Variants in CFAP57 observed in about 807,000 individuals in gnomAD.
CFAP57 encodes cilia- and flagella-associated protein 57.
In CFAP57, 116 loss-of-function variants were observed where a neutral mutation model predicts 146.8. The ratio of observed to expected loss-of-function variants is 0.79; its 90% CI spans 0.68 to 0.92. CFAP57 has a LOEUF of 0.92. CFAP57 is among the 40% of genes least tolerant of loss of function. The pLI is 0.00. For missense variants in CFAP57, 1,377 were observed against 1,527.2 expected (o/e 0.90, Z 1.64); for synonymous variants, 518 against 552.8 (o/e 0.94, Z 0.88).
intron 22 of CFAP57, among the ~76,000 whole-genome samples, chr1:43,249,750 AT>A (rs1646269890): frequency 6.6e-6 from 1 of 151,616 alleles, no homozygotes; most frequent in Non-Finnish European, 1.5e-5. Context: ...TGGCCCAACC[AT>A]TTTCTTAATA....
At chr1:43,228,556 G>A (rs1366089099) in intron 18 of CFAP57, among the ~76,000 whole-genome samples, 4 of 148,170 alleles carry the variant, frequency 2.7e-5, no homozygotes. Flanking sequence ...TAAAGAGCCA[G>A]GTGGAGATCA....
At chr1:43,223,564 G>A (rs1427762132) in intron 16 of CFAP57, among the ~76,000 whole-genome samples, 3 of 152,220 alleles carry the variant, frequency 2.0e-5, no homozygotes, top group Non-Finnish European at 4.4e-5. Context: ...CCCTGGAAAA[G>A]CTAAGTTCAA....
At position 43,215,214 on chromosome 1, in the gene CFAP57, G is replaced by A. The variant is rs1449307499; in HGVS notation, c.1930-41G>A. ...AGCTGGCTCAGCCCTGGTCATCTGT[G>A]GCCTTGAAAGCTTCCTGGCCATGAC... On this transcript the variant is annotated intron_variant, in intron 11 of 22. Coordinates refer to ENST00000372492, the MANE Select transcript of CFAP57 (RefSeq NM_001378189.1). 4 of 1,550,196 alleles carry A rather than the reference G, an allele frequency of 2.6e-6. No individual in the cohort carries two copies. In the South Asian group the frequency reaches 4.8e-5, roughly 18 times the overall value.
At position 43,229,640 on chromosome 1, in the gene CFAP57, C is replaced by A. The variant is rs576863033; in HGVS notation, c.3009+2514C>A. Among the ~76,000 whole-genome samples the A allele has an allele frequency of 1.9e-4, 28 of 148,914 alleles. 1 individual carries two copies. The highest frequency in any genetic ancestry group is 3.3e-4 in the Non-Finnish European group (22 of 67,558). On this transcript the variant is annotated intron_variant, in intron 18 of 22. Transcript: ENST00000372492. ...AACTTGGCTCTGATGATCCAAGGGT[C>A]CCTTTGCCCTGCCTAGGGGAGAGGT...
rs1442211701 is a variant in CFAP57 at position 43,238,218 on chromosome 1, T to C, written c.3405+3580T>C. 1.3e-5 allele frequency among the ~76,000 whole-genome samples: 2 copies of C among 152,100 alleles called. No individual in the cohort carries two copies. Among genetic ancestry groups the C allele is most frequent in the African/African-American group, 2.4e-5 (1 of 41,412 alleles). ...TCCATGGAATAAATCTGTTGCCTGC[T>C]TTTTCCAGGCTGTGAGGTACTGCCA... On this transcript the variant is annotated intron_variant, in intron 21 of 22. Coordinates refer to ENST00000372492, the MANE Select transcript of CFAP57 (RefSeq NM_001378189.1). The surrounding 1 kb of genome is among the most constrained non-coding windows in gnomAD (Gnocchi z 4.3).
chr1:43,248,585 G>T, intron 22 of CFAP57, among the ~76,000 whole-genome samples: 1 of 151,836 alleles, frequency 6.6e-6, no homozygotes, highest in South Asian at 2.1e-4. Flanking sequence ...CTCCCAAAGT[G>T]CTGGGATTAC....
chr1:43,183,715 A>G lies in CFAP57; in HGVS notation c.599A>G (p.Tyr200Cys). The stretch of plus-strand genomic sequence containing the variant: ...TTTCAGAGGGGAGAACCCCAAAACT[A>G]TCTAGCTCACACCTGGGTGGCTGAT... ...TSFQRGEPQN[Y>C]LAHTWVADDK... The change falls in exon 4 of 23, where the codon TAT becomes TGT. Residue 200 changes from tyrosine to cysteine, a missense_variant. By Grantham distance (194) the Tyr-to-Cys change is radical. Coordinates refer to ENST00000372492, the MANE Select transcript of CFAP57 (RefSeq NM_001378189.1). 6.2e-7 allele frequency: 1 copy of G among 1,614,198 alleles called. No homozygotes were observed. The highest frequency in any genetic ancestry group is 1.1e-5 in the South Asian group (1 of 91,082).
intron 13 of CFAP57, among the ~76,000 whole-genome samples, chr1:43,220,746 A>G (rs908410865): frequency 2.0e-5 from 3 of 152,058 alleles, no homozygotes; most frequent in African/African-American, 7.2e-5. Flanking sequence ...GAAATCCCCA[A>G]TTATGTCCTT....
intron 9 of CFAP57, 112 bp downstream of exon 9, chr1:43,199,615 C>A: frequency 1.1e-6 from 1 of 936,820 alleles, no homozygotes; most frequent in Non-Finnish European, 1.7e-6. Context: ...CATGGGTTCA[C>A]TGTCTACTTG....
At chr1:43,184,993 C>T (rs753725751) in intron 4 of CFAP57, 156 bp from the exon 5 acceptor site, 82 of 779,894 alleles carry the variant, frequency 1.1e-4, no homozygotes, top group South Asian at 5.4e-4. Context: ...AGTTTGTGTA[C>T]GGTTCCCAAG....
At chr1:43,182,969 C>T (rs1645477745) in intron 3 of CFAP57, among the ~76,000 whole-genome samples, 1 of 152,200 alleles carries the variant, frequency 6.6e-6, no homozygotes, top group African/African-American at 2.4e-5. Context: ...CCAAGTAATA[C>T]GCTTTCATGA....
At chr1:43,183,417 A>G (rs1645499542) in intron 3 of CFAP57, among the ~76,000 whole-genome samples, 174 bp from the exon 4 acceptor site, 1 of 152,240 alleles carries the variant, frequency 6.6e-6, no homozygotes, top group South Asian at 2.1e-4. Flanking sequence ...CCCTATAAAT[A>G]TAATGGATTA....
intron 21 of CFAP57, among the ~76,000 whole-genome samples, chr1:43,239,878 G>C (rs986369645): frequency 6.6e-6 from 1 of 152,090 alleles, no homozygotes; most frequent in Non-Finnish European, 1.5e-5. Context: ...TTCCTTATTA[G>C]TAAGAATCTC....
intron 11 of CFAP57, among the ~76,000 whole-genome samples, chr1:43,213,356 A>T (rs1345364908): frequency 6.6e-6 from 1 of 152,228 alleles, no homozygotes; most frequent in African/African-American, 2.4e-5. Flanking sequence ...AGTTCCATCC[A>T]TGTTGCTGCA....
chr1:43,183,765 A>G lies in CFAP57; in HGVS notation c.649A>G (p.Thr217Ala), dbSNP rs143847160. Reference protein sequence around the residue: ...ADDKIVVGTDTGKLFLFESGD... With the variant: ...ADDKIVVGTDAGKLFLFESGD... ...TGACAAGATTGTCGTTGGCACTGAC[A>G]CAGGCAAACTCTTCCTCTTTGAATC... Residue 217 changes from threonine (T) to alanine (A), a missense_variant, in exon 4 of 23, where the codon ACA becomes GCA. Transcript: ENST00000372492. The G allele has an allele frequency of 1.2e-6, 2 of 1,614,224 alleles. No individual in the cohort carries two copies. Among genetic ancestry groups the G allele is most frequent in the Non-Finnish European group, 8.5e-7 (1 of 1,180,036 alleles).
chr1:43,251,888 T>C (rs957052715), intron 22 of CFAP57, among the ~76,000 whole-genome samples: 1 of 152,206 alleles, frequency 6.6e-6, no homozygotes, highest in African/African-American at 2.4e-5. Context: ...GTAAGTACAT[T>C]AATCAAAGCA....
intron 18 of CFAP57, among the ~76,000 whole-genome samples, chr1:43,227,861 A>G (rs594389): frequency 0.74 from 112,150 of 152,140 alleles, 41,712 homozygotes; most frequent in East Asian, 0.87. Context: ...TTAGTGGTCT[A>G]TGATCCACCC....
At chr1:43,234,145 GC>G (rs1645589438) in intron 19 of CFAP57, 133 bp from the exon 20 acceptor site, 1 of 1,056,836 alleles carries the variant, frequency 9.5e-7, no homozygotes. Context: ...GCCCAGTATG[GC>G]CCCTGGCAGT....
chr1:43,183,763 A>T lies in CFAP57; in HGVS notation c.647A>T (p.Asp216Val), dbSNP rs137950021. ...GATGACAAGATTGTCGTTGGCACTG[A>T]CACAGGCAAACTCTTCCTCTTTGAA... ...VADDKIVVGT[D>V]TGKLFLFESG... Residue 216 changes from aspartate to valine, a missense_variant, in exon 4 of 23, where the codon GAC (aspartate) becomes GTC (valine). By Grantham distance (152) the Asp-to-Val change is radical. Coordinates refer to ENST00000372492, the MANE Select transcript of CFAP57 (RefSeq NM_001378189.1). 1 of 1,614,070 alleles carries T rather than the reference A, an allele frequency of 6.2e-7. No individual in the cohort carries two copies. The highest frequency in any genetic ancestry group is 8.5e-7 in the Non-Finnish European group (1 of 1,180,038).
Sources: allele counts gnomAD v4.1 joint callset (sites outside exome capture counted in the v4.1 genomes callset), GRCh38; gene constraint gnomAD v4.1.1; non-coding constraint Gnocchi (gnomAD v3.1); transcripts MANE v1.5; gene names NCBI Gene and HGNC (gene_info 2026-07-23, HGNC 2026-07-21).